PPFIA2: variants seen among roughly 807,000 people sequenced by gnomAD.
The protein encoded by PPFIA2 is liprin-alpha-2.
PPFIA2 carries 46 observed loss-of-function variants against 175.5 expected under a neutral mutation model. That is an observed-to-expected ratio of 0.26 (90% CI 0.21 to 0.34). The LOEUF (loss-of-function observed/expected upper bound fraction) is 0.34, where lower values mean the gene tolerates loss of function less well. Among genes scored for constraint, PPFIA2 ranks in the 10% least tolerant of loss-of-function variants. The pLI, the probability that PPFIA2 is intolerant of heterozygous loss-of-function variation, is 1.00. For missense variants in PPFIA2, 1,179 were observed against 1,506.1 expected, an observed-to-expected ratio of 0.78 and a Z score of 3.60; for synonymous variants, 568 against 511.4, an observed-to-expected ratio of 1.11 and a Z score of -1.49.
intron 4 of PPFIA2, among the ~76,000 whole-genome samples, chr12:81,528,806 C>G (rs2064074872): frequency 6.6e-6 from 1 of 151,832 alleles, no homozygotes; most frequent in African/African-American, 2.4e-5. Context: ...CAGTGCTCAC[C>G]CACACAACCG....
intron 4 of PPFIA2, among the ~76,000 whole-genome samples, chr12:81,665,988 C>T (rs1347226599): frequency 1.3e-5 from 2 of 152,120 alleles, no homozygotes; most frequent in Non-Finnish European, 2.9e-5. Context: ...GACATTTATG[C>T]AGCCAAAAAA....
intron 4 of PPFIA2, among the ~76,000 whole-genome samples, chr12:81,529,898 A>T (rs534066564): frequency 6.6e-6 from 1 of 152,106 alleles, no homozygotes; most frequent in African/African-American, 2.4e-5. Flanking sequence ...GTGGTGGAAC[A>T]ATCTGTACAA....
chr12:81,697,842 T>C (rs1443781511), intron 3 of PPFIA2, among the ~76,000 whole-genome samples: 1 of 152,122 alleles, frequency 6.6e-6, no homozygotes, highest in African/African-American at 2.4e-5. Context: ...TAGATGAATA[T>C]ACTATTTCAA....
At chr12:81,317,518 T>A (rs894679612) in intron 22 of PPFIA2, among the ~76,000 whole-genome samples, 9 of 150,732 alleles carry the variant, frequency 6.0e-5, no homozygotes, top group Admixed American at 1.3e-4. Flanking sequence ...AGATTTTTTT[T>A]AAAAAATGCA....
intron 16 of PPFIA2, among the ~76,000 whole-genome samples, chr12:81,355,172 C>T (rs962242328): frequency 3.9e-5 from 6 of 152,124 alleles, no homozygotes; most frequent in Middle Eastern, 3.4e-3. Context: ...TTAGCAGGCA[C>T]GAAAAAAACA....
chr12:81,722,752 T>C (rs1291780561), intron 3 of PPFIA2, among the ~76,000 whole-genome samples: 1 of 151,036 alleles, frequency 6.6e-6, no homozygotes, highest in Non-Finnish European at 1.5e-5. Context: ...ATTAAATTTA[T>C]GTTCCAAATC....
intron 7 of PPFIA2, among the ~76,000 whole-genome samples, chr12:81,422,767 G>T (rs1198903180): frequency 6.6e-6 from 1 of 151,970 alleles, no homozygotes; most frequent in Admixed American, 6.6e-5. Flanking sequence ...GATGAGATTT[G>T]GGTGGGGACA....
intron 21 of PPFIA2, among the ~76,000 whole-genome samples, chr12:81,334,772 G>T (rs1262020103): frequency 6.6e-6 from 1 of 152,104 alleles, no homozygotes; most frequent in Non-Finnish European, 1.5e-5. Context: ...TTTGATGGAT[G>T]GCATTCCTGC....
At chr12:81,435,472 T>C (rs535401046) in intron 7 of PPFIA2, among the ~76,000 whole-genome samples, 34 of 152,116 alleles carry the variant, frequency 2.2e-4, no homozygotes, top group Middle Eastern at 3.4e-3. Context: ...GGAGAATAGA[T>C]GAGCGATCAA....
intron 19 of PPFIA2, 145 bp downstream of exon 19, chr12:81,344,519 T>A (rs1335041803): frequency 1.5e-5 from 7 of 474,314 alleles, no homozygotes; most frequent in Middle Eastern, 5.1e-4. Context: ...TCTATTATAA[T>A]CAAATTTAAA....
intron 4 of PPFIA2, among the ~76,000 whole-genome samples, chr12:81,635,906 G>T (rs1415779151): frequency 1.3e-5 from 2 of 149,460 alleles, no homozygotes; most frequent in Non-Finnish European, 3.0e-5. Flanking sequence ...TTGGGAAAAT[G>T]CAATCTCTCT....
At chr12:81,514,170 T>C (rs536957892) in intron 4 of PPFIA2, among the ~76,000 whole-genome samples, 2 of 151,934 alleles carry the variant, frequency 1.3e-5, no homozygotes, top group African/African-American at 4.8e-5. Context: ...CCCAGTCAAG[T>C]TCCCCCCCTG....
intron 13 of PPFIA2, among the ~76,000 whole-genome samples, 192 bp from the exon 14 acceptor site, chr12:81,367,362 A>G (rs2033788466): frequency 6.6e-6 from 1 of 151,654 alleles, no homozygotes; most frequent in Admixed American, 6.6e-5. Flanking sequence ...AAAATACATA[A>G]TTTAAATGGG....
At chr12:81,459,642 G>T (rs1457537484) in intron 4 of PPFIA2, among the ~76,000 whole-genome samples, 1 of 151,710 alleles carries the variant, frequency 6.6e-6, no homozygotes, top group East Asian at 1.9e-4. Context: ...AAACCTGTAA[G>T]TGCACTGAAA....
chr12:81,726,001 G>A (rs1373968403), intron 3 of PPFIA2, among the ~76,000 whole-genome samples: 1 of 150,774 alleles, frequency 6.6e-6, no homozygotes, highest in Non-Finnish European at 1.5e-5. Flanking sequence ...AAACTTCCAA[G>A]TCCTCTCTCA....
intron 5 of PPFIA2, among the ~76,000 whole-genome samples, chr12:81,448,198 C>G (rs1471873024): frequency 1.3e-5 from 2 of 152,300 alleles, no homozygotes; most frequent in South Asian, 2.1e-4. Flanking sequence ...TGATCACACT[C>G]TTCACATTTG....
intron 7 of PPFIA2, among the ~76,000 whole-genome samples, chr12:81,428,711 C>A (rs566374880): frequency 6.6e-6 from 1 of 151,654 alleles, no homozygotes; most frequent in African/African-American, 2.4e-5. Flanking sequence ...AAAAAAAATC[C>A]ATTGTTCAAC....
intron 7 of PPFIA2, among the ~76,000 whole-genome samples, chr12:81,424,116 A>G (rs889890021): frequency 1.3e-5 from 2 of 152,132 alleles, no homozygotes; most frequent in African/African-American, 4.8e-5. Context: ...TTTAATTTTC[A>G]TAACATTATT....
chr12:81,754,275 A>G, intron 2 of PPFIA2, 52 bp from the exon 3 acceptor site: 1 of 1,531,982 alleles, frequency 6.5e-7, no homozygotes, highest in Non-Finnish European at 8.8e-7. Context: ...ATTTCCAATA[A>G]TTTCATTTGG....
Sources: gnomAD v4.1 joint callset for allele counts (sites outside exome capture counted in the v4.1 genomes callset) on GRCh38, gnomAD v4.1.1 for gene constraint, MANE v1.5 for transcripts, NCBI Gene and HGNC (gene_info 2026-07-23, HGNC 2026-07-21) for gene names.